The following ITGA1 variants were observed in gnomAD, a reference collection of about 807,000 sequenced individuals.
The protein encoded by ITGA1 is integrin subunit alpha 1, also known as integrin alpha-1.
In ITGA1, 85 loss-of-function variants were observed where a neutral mutation model predicts 145.9. That is an observed-to-expected ratio of 0.58 (90% CI 0.49 to 0.70). The LOEUF is 0.70. ITGA1 is among the 30% of genes least tolerant of loss of function. ITGA1 has a pLI of 0.00. For synonymous variants in ITGA1, 520 were observed against 495.3 expected, an observed-to-expected ratio of 1.05 and a Z score of -0.66; for missense variants, 1,351 against 1,418.7, an observed-to-expected ratio of 0.95 and a Z score of 0.77.
intron 1 of ITGA1, among the ~76,000 whole-genome samples, chr5:52,808,676 C>CTTTCTTTTTTTTTTTTTTTTTT (rs1554041033): frequency 1.0e-3 from 69 of 69,332 alleles, no homozygotes; most frequent in African/African-American, 2.8e-3. Context: ...TTCTTTCTTT[C>CTTTCTTTTTTTTTTTTTTTTTT]TTTTTTTTTT....
At chr5:52,802,065 T>C (rs1413691237) in intron 1 of ITGA1, 1 of 446,148 alleles carries the variant, frequency 2.2e-6, no homozygotes, top group African/African-American at 2.0e-5. Flanking sequence ...TTAAATTGTG[T>C]AATTTTTTAT....
chr5:52,929,601 TA>T, intron 20 of ITGA1, 23 bp from the exon 21 acceptor site: 1 of 1,240,896 alleles, frequency 8.1e-7, no homozygotes, highest in Non-Finnish European at 1.2e-6. Flanking sequence ...TATCTGTTAC[TA>T]AAGACATATT....
chr5:52,940,154 T>C (rs1168455386), intron 26 of ITGA1, among the ~76,000 whole-genome samples: 2 of 152,204 alleles, frequency 1.3e-5, no homozygotes, highest in Non-Finnish European at 2.9e-5. Context: ...CAAGGTCCCC[T>C]CTGGAGAGAT....
intron 9 of ITGA1, among the ~76,000 whole-genome samples, chr5:52,894,375 A>G (rs531954439): frequency 1.3e-5 from 2 of 152,286 alleles, no homozygotes; most frequent in African/African-American, 2.4e-5. Flanking sequence ...ATTTGTCTAA[A>G]TCATGTTACT....
intron 3 of ITGA1, among the ~76,000 whole-genome samples, chr5:52,862,246 A>G (rs796496099): frequency 1.7e-4 from 26 of 152,104 alleles, no homozygotes; most frequent in African/African-American, 5.8e-4. Flanking sequence ...GAAAAGAAAA[A>G]AAACAGATTT....
At chr5:52,867,784 T>C (rs1193226900) in intron 6 of ITGA1, among the ~76,000 whole-genome samples, 4 of 152,088 alleles carry the variant, frequency 2.6e-5, no homozygotes, top group South Asian at 2.1e-4. Context: ...GTTTAAGGTC[T>C]TTCTGCTTGC....
At chr5:52,846,158 C>G (rs1319379739) in intron 1 of ITGA1, among the ~76,000 whole-genome samples, 2 of 152,092 alleles carry the variant, frequency 1.3e-5, no homozygotes, top group African/African-American at 4.8e-5. Flanking sequence ...CCCAGCACTT[C>G]TGGAGGCCAA....
At position 52,937,395 on chromosome 5, in the gene ITGA1, T is replaced by C. The variant is rs1376733232; in HGVS notation, c.2965-6T>C. 2 of 1,570,290 alleles carry C rather than the reference T, an allele frequency of 1.3e-6. No individual in the cohort carries two copies. Among genetic ancestry groups the C allele is most frequent in the East Asian group, 2.2e-5 (1 of 44,640 alleles). ...GAAAGATTACATTTCCATTTTTTTC[T>C]TGTAGATTAGAAAAAGTGGATCTTT... On this transcript the variant is annotated splice_polypyrimidine_tract_variant and splice_region_variant and intron_variant, in intron 23 of 28. Coordinates refer to ENST00000282588, the MANE Select transcript of ITGA1 (RefSeq NM_181501.2).
Position 52,955,794 on chromosome 5 carries a change from G to A in ITGA1, c.*3343G>A, listed in dbSNP as rs1273354570. The A allele has an allele frequency of 6.6e-6, 1 of 152,054 alleles. No homozygotes were observed. Among genetic ancestry groups the A allele is most frequent in the Non-Finnish European group, 1.5e-5 (1 of 68,024 alleles). The allele number at this position is 152,054 out of a possible 1,614,324, so 9.4% of individuals were successfully genotyped here. Reference sequence around the variant, plus strand: ...CCAATTTGTCAAACTATTTTCCTCTGAGCACTAGATTCATGGGCAATTTAA... The same window carrying A: ...CCAATTTGTCAAACTATTTTCCTCTAAGCACTAGATTCATGGGCAATTTAA... On this transcript the variant is annotated 3_prime_UTR_variant, in exon 29 of 29. Coordinates refer to ENST00000282588, the MANE Select transcript of ITGA1 (RefSeq NM_181501.2).
intron 11 of ITGA1, among the ~76,000 whole-genome samples, chr5:52,901,271 C>T (rs1050804099): frequency 2.6e-5 from 4 of 152,098 alleles, no homozygotes; most frequent in Non-Finnish European, 4.4e-5. Context: ...GCAAGAAAAC[C>T]GATTCTCCTT....
At chr5:52,834,671 AAG>A (rs1396916506) in intron 1 of ITGA1, among the ~76,000 whole-genome samples, 7 of 151,578 alleles carry the variant, frequency 4.6e-5, no homozygotes, top group Non-Finnish European at 1.5e-5. Context: ...GAAAGAAAGA[AAG>A]AAAGAGAAAG....
At chr5:52,796,017 G>A (rs552317352) in intron 1 of ITGA1, among the ~76,000 whole-genome samples, 2 of 151,982 alleles carry the variant, frequency 1.3e-5, no homozygotes, top group Non-Finnish European at 2.9e-5. Context: ...AAGATAGCAC[G>A]CAAAATTGAA....
At chr5:52,928,710 C>A (rs1175296582) in intron 20 of ITGA1, among the ~76,000 whole-genome samples, 1 of 152,090 alleles carries the variant, frequency 6.6e-6, no homozygotes, top group Non-Finnish European at 1.5e-5. Context: ...TCAGGCAACA[C>A]CTTATTCTGT....
At position 52,910,219 on chromosome 5, in the gene ITGA1, C is replaced by G; in HGVS notation, c.1657C>G (p.Arg553Gly). ...EPIKQTCCSS[R>G]QHNSCTTENK... ...TATTAAGCAGACGTGCTGTTCATCTCGGCAGCACAATTCATGCACAACAGA... is the reference window on the plus strand; with the variant it reads ...TATTAAGCAGACGTGCTGTTCATCTGGGCAGCACAATTCATGCACAACAGA... Residue 553 changes from arginine to glycine, a missense_variant, in exon 14 of 29, where the codon CGG (arginine) becomes GGG (glycine). Physicochemically the swap from Arg to Gly is moderately radical, Grantham distance 125. Coordinates refer to ENST00000282588, the MANE Select transcript of ITGA1 (RefSeq NM_181501.2). The G allele has an allele frequency of 6.2e-7, 1 of 1,613,824 alleles. No individual in the cohort carries two copies. The highest frequency in any genetic ancestry group is 1.1e-5 in the South Asian group (1 of 91,078).
At chr5:52,925,851 T>C (rs943908505) in intron 19 of ITGA1, among the ~76,000 whole-genome samples, 1 of 151,988 alleles carries the variant, frequency 6.6e-6, no homozygotes, top group Non-Finnish European at 1.5e-5. Context: ...GCAAAAAAAA[T>C]TTACCTGCAG....
At chr5:52,852,828 A>T (rs1343791296) in intron 2 of ITGA1, among the ~76,000 whole-genome samples, 1 of 152,158 alleles carries the variant, frequency 6.6e-6, no homozygotes, top group Admixed American at 6.6e-5. Context: ...TTGGCTGAAC[A>T]ACTAAATCTA....
intron 1 of ITGA1, among the ~76,000 whole-genome samples, chr5:52,843,874 A>G (rs1749295242): frequency 6.6e-6 from 1 of 152,160 alleles, no homozygotes; most frequent in Admixed American, 6.6e-5. Context: ...CTTAATACAC[A>G]AAAAGAGGGG....
intron 11 of ITGA1, chr5:52,901,816 G>C (rs1750317970): frequency 6.6e-6 from 1 of 152,092 alleles, no homozygotes; most frequent in African/African-American, 2.4e-5. Flanking sequence ...TGTCCAAAAA[G>C]GAAATTTTTG....
intron 20 of ITGA1, 33 bp from the exon 21 acceptor site, chr5:52,929,592 A>G (rs760507753): frequency 5.4e-6 from 6 of 1,103,426 alleles, no homozygotes; most frequent in Admixed American, 1.9e-5. Flanking sequence ...TAAATTTCTT[A>G]TCTGTTACTA....
Sources: gnomAD v4.1 joint callset for allele counts (sites outside exome capture counted in the v4.1 genomes callset) on GRCh38, gnomAD v4.1.1 for gene constraint, MANE v1.5 for transcripts, NCBI Gene and HGNC (gene_info 2026-07-23, HGNC 2026-07-21) for gene names.